The following PITPNC1 variants were observed in gnomAD, a reference collection of about 807,000 sequenced individuals.
PITPNC1 encodes the protein phosphatidylinositol transfer protein cytoplasmic 1, also known as cytoplasmic phosphatidylinositol transfer protein 1.
PITPNC1 carries 18 observed loss-of-function variants against 44.7 expected under a neutral mutation model. The ratio of observed to expected loss-of-function variants is 0.40; its 90% CI spans 0.28 to 0.60. PITPNC1 has a LOEUF of 0.60. Among genes scored for constraint, PITPNC1 ranks in the 20% least tolerant of loss-of-function variants. The pLI, the probability that PITPNC1 is intolerant of heterozygous loss-of-function variation, is 0.39. For missense variants in PITPNC1, 290 were observed against 418.4 expected (o/e 0.69, Z 2.68); for synonymous variants, 141 against 149.6 (o/e 0.94, Z 0.42).
chr17:67,651,717 C>T (rs970112431), intron 6 of PITPNC1, among the ~76,000 whole-genome samples: 1 of 152,160 alleles, frequency 6.6e-6, no homozygotes, highest in Non-Finnish European at 1.5e-5. Flanking sequence ...CACCCATCTC[C>T]CAAGCCTCAG....
At chr17:67,672,017 C>G (rs1598967338) in intron 7 of PITPNC1, among the ~76,000 whole-genome samples, 1 of 151,974 alleles carries the variant, frequency 6.6e-6, no homozygotes, top group African/African-American at 2.4e-5. Flanking sequence ...TCACTGCAAC[C>G]TCCACCTCCC....
chr17:67,671,763 A>T (rs1439801697), intron 7 of PITPNC1, among the ~76,000 whole-genome samples: 1 of 152,158 alleles, frequency 6.6e-6, no homozygotes, highest in Non-Finnish European at 1.5e-5. Flanking sequence ...CTGTGTCCTG[A>T]TTATTGCACA....
chr17:67,572,889 A>G (rs947664778), intron 4 of PITPNC1, among the ~76,000 whole-genome samples: 2 of 152,046 alleles, frequency 1.3e-5, no homozygotes, highest in African/African-American at 2.4e-5. Flanking sequence ...CCCAGAGGGA[A>G]GAAGGGGATG....
chr17:67,586,920 A>G (rs79930067), intron 5 of PITPNC1, among the ~76,000 whole-genome samples: 2,555 of 152,288 alleles, frequency 0.017, 33 homozygotes, highest in South Asian at 0.053. Flanking sequence ...TTGAGCTGGA[A>G]AGATGGCAGA....
intron 1 of PITPNC1, among the ~76,000 whole-genome samples, chr17:67,512,003 G>A (rs2040190122): frequency 6.6e-6 from 1 of 152,192 alleles, no homozygotes; most frequent in South Asian, 2.1e-4. Context: ...TGCTGATGAT[G>A]CACTTGAATT....
intron 1 of PITPNC1, among the ~76,000 whole-genome samples, chr17:67,523,925 C>T (rs1380067258): frequency 2.0e-5 from 3 of 151,308 alleles, no homozygotes; most frequent in African/African-American, 7.3e-5. Flanking sequence ...GATTCTCCTG[C>T]CTCAGCCTCC....
At chr17:67,537,064 A>G (rs529088907) in intron 2 of PITPNC1, among the ~76,000 whole-genome samples, 2 of 152,304 alleles carry the variant, frequency 1.3e-5, no homozygotes, top group South Asian at 4.1e-4. Flanking sequence ...TAGCGAATAA[A>G]ATACCTCAGA....
chr17:67,453,670 A>G (rs2039215365), intron 1 of PITPNC1, among the ~76,000 whole-genome samples: 1 of 152,218 alleles, frequency 6.6e-6, no homozygotes, highest in South Asian at 2.1e-4. Context: ...ACAAATTTCC[A>G]TGAATTTTTA....
At chr17:67,483,605 T>C (rs1295435373) in intron 1 of PITPNC1, among the ~76,000 whole-genome samples, 2 of 152,234 alleles carry the variant, frequency 1.3e-5, no homozygotes, top group African/African-American at 2.4e-5. Flanking sequence ...TGGAAAATGT[T>C]TGATGGCCTA....
chr17:67,651,718 C>T (rs1474840266), intron 6 of PITPNC1, among the ~76,000 whole-genome samples: 1 of 152,182 alleles, frequency 6.6e-6, no homozygotes, highest in Non-Finnish European at 1.5e-5. Context: ...ACCCATCTCC[C>T]AAGCCTCAGC....
intron 1 of PITPNC1, among the ~76,000 whole-genome samples, chr17:67,532,035 A>G (rs1034709477): frequency 6.6e-6 from 1 of 152,248 alleles, no homozygotes; most frequent in Non-Finnish European, 1.5e-5. Flanking sequence ...AAAAAAGGAC[A>G]GAAAATGTTC....
At chr17:67,385,570 C>T (rs1202589053) in intron 1 of PITPNC1, among the ~76,000 whole-genome samples, 1 of 151,682 alleles carries the variant, frequency 6.6e-6, no homozygotes, top group East Asian at 1.9e-4. Context: ...CTAAATCTTC[C>T]TGCTGTCCGC....
chr17:67,685,605 T>G (rs1003040377), intron 8 of PITPNC1, among the ~76,000 whole-genome samples: 1 of 152,194 alleles, frequency 6.6e-6, no homozygotes, highest in Non-Finnish European at 1.5e-5. Flanking sequence ...AGGAAGCACT[T>G]TGTTCGGCAT....
intron 1 of PITPNC1, among the ~76,000 whole-genome samples, chr17:67,425,198 C>CGT (rs1491262071): frequency 1.3e-4 from 3 of 22,800 alleles, no homozygotes; most frequent in African/African-American, 5.0e-4. Context: ...CGCGCGCACG[C>CGT]ACACGCACAC....
chr17:67,665,883 C>G (rs1370038070), intron 6 of PITPNC1, among the ~76,000 whole-genome samples: 1 of 150,422 alleles, frequency 6.6e-6, no homozygotes, highest in East Asian at 1.9e-4. Context: ...CTCTGTCACC[C>G]AGGCTGGAGT....
intron 1 of PITPNC1, among the ~76,000 whole-genome samples, chr17:67,523,806 CGTTTTTTTTT>C (rs1488612625): frequency 7.8e-6 from 1 of 127,632 alleles, no homozygotes; most frequent in Non-Finnish European, 1.6e-5. Flanking sequence ...ACATGGAAAC[CGTTTTTTTTT>C]TTTTTTTTTT....
chr17:67,591,036 C>T (rs184487919), intron 5 of PITPNC1, among the ~76,000 whole-genome samples: 60 of 151,992 alleles, frequency 3.9e-4, no homozygotes, highest in Non-Finnish European at 7.1e-4. Flanking sequence ...ATGTCTGTAA[C>T]GTTATCAATC....
At chr17:67,490,359 T>G (rs1384529325) in intron 1 of PITPNC1, among the ~76,000 whole-genome samples, 1 of 151,930 alleles carries the variant, frequency 6.6e-6, no homozygotes, top group African/African-American at 2.4e-5. Context: ...TGTTTTTTGT[T>G]TTGTTTTTTT....
intron 1 of PITPNC1, among the ~76,000 whole-genome samples, chr17:67,418,244 T>C (rs984888803): frequency 3.3e-5 from 5 of 152,328 alleles, no homozygotes; most frequent in Non-Finnish European, 7.3e-5. Flanking sequence ...CCTATTTTTA[T>C]TGGAGACCAA....
Sources: gnomAD v4.1 joint callset for allele counts (sites outside exome capture counted in the v4.1 genomes callset) on GRCh38, gnomAD v4.1.1 for gene constraint, MANE v1.5 for transcripts, NCBI Gene and HGNC (gene_info 2026-07-23, HGNC 2026-07-21) for gene names.